Variants in MEGF11 observed in about 807,000 individuals in gnomAD.
MEGF11 encodes multiple epidermal growth factor-like domains protein 11.
MEGF11 carries 126 observed loss-of-function variants against 146.6 expected under a neutral mutation model. The observed-to-expected ratio is 0.86, with a 90% CI of 0.74 to 1.00. MEGF11 has a LOEUF of 1.00. Among genes scored for constraint, MEGF11 ranks in the 50% least tolerant of loss-of-function variants. The pLI, the probability that MEGF11 is intolerant of heterozygous loss-of-function variation, is 0.00. For missense variants in MEGF11, 1,509 were observed against 1,521.2 expected (o/e 0.99, Z 0.13); for synonymous variants, 532 against 583.4 (o/e 0.91, Z 1.27).
chr15:66,072,588 A>C (rs2085413566), intron 5 of MEGF11, among the ~76,000 whole-genome samples: 2 of 152,184 alleles, frequency 1.3e-5, no homozygotes, highest in Non-Finnish European at 2.9e-5. Flanking sequence ...AGATTTATTA[A>C]ATAAGTGACA....
At chr15:65,999,879 G>T (rs911262494) in intron 5 of MEGF11, among the ~76,000 whole-genome samples, 1 of 152,196 alleles carries the variant, frequency 6.6e-6, no homozygotes, top group Non-Finnish European at 1.5e-5. Context: ...TCATCCACTG[G>T]CTGTAAACTC....
At chr15:66,053,730 T>A (rs1170559169) in intron 5 of MEGF11, among the ~76,000 whole-genome samples, 7 of 140,266 alleles carry the variant, frequency 5.0e-5, no homozygotes, top group African/African-American at 1.9e-4. Context: ...TTTTTTTTTT[T>A]TTTTTTTTTT....
At chr15:66,068,519 G>T (rs185715424) in intron 5 of MEGF11, among the ~76,000 whole-genome samples, 27 of 152,296 alleles carry the variant, frequency 1.8e-4, no homozygotes, top group African/African-American at 6.5e-4. Context: ...TTTGAAAAAT[G>T]AGAAAGTTGA....
intron 1 of MEGF11, among the ~76,000 whole-genome samples, chr15:66,130,811 C>T (rs1011174406): frequency 2.6e-5 from 4 of 152,010 alleles, no homozygotes; most frequent in Non-Finnish European, 4.4e-5. Context: ...AAGAAGCCAT[C>T]ACCACATGGG....
chr15:66,244,353 C>T (rs2092263595), intron 1 of MEGF11, among the ~76,000 whole-genome samples: 1 of 152,154 alleles, frequency 6.6e-6, no homozygotes. Flanking sequence ...AGTAACACAT[C>T]TTATCTGTTC....
intron 1 of MEGF11, among the ~76,000 whole-genome samples, chr15:66,178,986 T>C (rs1264379599): frequency 5.3e-5 from 8 of 151,924 alleles, no homozygotes; most frequent in African/African-American, 1.9e-4. Context: ...AAAAACCCCA[T>C]AAATTCCTGT....
intron 5 of MEGF11, among the ~76,000 whole-genome samples, chr15:66,082,027 A>G (rs2085879713): frequency 6.6e-6 from 1 of 152,020 alleles, no homozygotes; most frequent in Non-Finnish European, 1.5e-5. Flanking sequence ...TTGGTCTTGG[A>G]CCTCCGAGCC....
At chr15:65,917,043 C>G in intron 16 of MEGF11, 87 bp from the exon 17 acceptor site, 1 of 1,311,430 alleles carries the variant, frequency 7.6e-7, no homozygotes, top group Admixed American at 3.2e-5. Flanking sequence ...CATGTCAGAG[C>G]CAAGATGCCA....
intron 3 of MEGF11, 64 bp from the exon 4 acceptor site, chr15:66,119,250 T>C (rs2087894331): frequency 8.6e-7 from 1 of 1,166,268 alleles, no homozygotes; most frequent in Non-Finnish European, 1.2e-6. Flanking sequence ...TTTAGAATGA[T>C]ATTTGTGTTA....
chr15:65,917,944 TTCC>T lies in MEGF11; in HGVS notation c.2086+19_2086+21del, dbSNP rs1245527677. The T allele has an allele frequency of 6.8e-6, 11 of 1,613,766 alleles. No individual in the cohort carries two copies. Among genetic ancestry groups the T allele is most frequent in the Admixed American group, 6.7e-5 (4 of 60,000 alleles). On this transcript the variant is annotated intron_variant, in intron 16 of 25. Coordinates refer to ENST00000395614, the MANE Select transcript of MEGF11 (RefSeq NM_001385028.1). ...TTGGGCCTGACCCCAGGTAGGGGCA[TTCC>T]CAGGTGGCAGCAGCTTACCCTGTGA... is the stretch of plus-strand genomic sequence containing the variant.
At position 65,955,761 on chromosome 15, in the gene MEGF11, A is replaced by AAT. The variant is rs1229131259; in HGVS notation, c.1287+1784_1287+1785dup. Among the ~76,000 whole-genome samples, 97 of 14,704 alleles carry AAT rather than the reference A, an allele frequency of 6.6e-3. 14 individuals carry two copies. The highest frequency in any genetic ancestry group is 0.027 in the African/African-American group (97 of 3,568). 9.6% of individuals were successfully genotyped at this position (14,704 alleles called of 152,430 possible). A position where few individuals can be genotyped will look rare whatever the true frequency, so the allele number is the denominator to read the frequency against. ...TCTTAAAAAAAAAAAAAAAAAAAAA[A>AAT]ATATATATATATATATATATATATA... On this transcript the variant is annotated intron_variant, in intron 10 of 25. Transcript: ENST00000395614.
intron 5 of MEGF11, among the ~76,000 whole-genome samples, chr15:66,083,554 C>T (rs2085982638): frequency 6.6e-6 from 1 of 151,594 alleles, no homozygotes; most frequent in Non-Finnish European, 1.5e-5. Flanking sequence ...AGCGTCATGA[C>T]ATTGAATTTG....
At chr15:66,074,749 T>C (rs1253645450) in intron 5 of MEGF11, among the ~76,000 whole-genome samples, 3 of 152,242 alleles carry the variant, frequency 2.0e-5, no homozygotes, top group Non-Finnish European at 4.4e-5. Context: ...CCTAACGTGG[T>C]ACTGGCAATT....
chr15:66,062,432 G>A (rs2084943236), intron 5 of MEGF11, among the ~76,000 whole-genome samples: 1 of 152,224 alleles, frequency 6.6e-6, no homozygotes, highest in African/African-American at 2.4e-5. Context: ...ACTGTGGGCA[G>A]CCTCTAGGAG....
rs913546642 is a variant in MEGF11 at position 66,119,005 on chromosome 15, G to T, written c.301+81C>A. 9.8e-6 allele frequency: 9 copies of T among 920,646 alleles called. No homozygotes were observed. The African/African-American group carries it at 1.3e-4, about 14-fold the overall frequency. 57.0% of individuals were successfully genotyped at this position (920,646 alleles called of 1,614,324 possible). A position where few individuals can be genotyped will look rare whatever the true frequency, so the allele number is the denominator to read the frequency against. On this transcript the variant is annotated intron_variant, in intron 4 of 25. Coordinates refer to ENST00000395614, the MANE Select transcript of MEGF11 (RefSeq NM_001385028.1). ...TGCTGCCTAGGGGCCGTGGATATCA[G>T]CCCCACCTCCCCTCCCCTCCCCTCC...
chr15:66,159,871 G>A (rs779732124), intron 1 of MEGF11, among the ~76,000 whole-genome samples: 44 of 152,006 alleles, frequency 2.9e-4, no homozygotes, highest in Admixed American at 1.2e-3. Context: ...AGGGTGCAGC[G>A]GTCACCACAA....
At chr15:66,212,688 C>T (rs377094148) in intron 1 of MEGF11, among the ~76,000 whole-genome samples, 12 of 131,616 alleles carry the variant, frequency 9.1e-5, no homozygotes, top group East Asian at 2.3e-4. Context: ...CATCCGCACA[C>T]GCGGCATCCC....
intron 1 of MEGF11, among the ~76,000 whole-genome samples, chr15:66,162,536 C>T (rs1043531195): frequency 2.0e-5 from 3 of 152,162 alleles, no homozygotes; most frequent in Non-Finnish European, 4.4e-5. Flanking sequence ...ATAGTGCTTA[C>T]TGTATGATTC....
intron 1 of MEGF11, among the ~76,000 whole-genome samples, chr15:66,230,784 AAG>A (rs753073980): frequency 6.4e-4 from 97 of 152,326 alleles, no homozygotes; most frequent in Non-Finnish European, 1.3e-3. Context: ...TTTCATTGTA[AAG>A]AGTTTTTAAA....
Sources: allele counts gnomAD v4.1 joint callset (sites outside exome capture counted in the v4.1 genomes callset), GRCh38; gene constraint gnomAD v4.1.1; transcripts MANE v1.5; gene names NCBI Gene and HGNC (gene_info 2026-07-23, HGNC 2026-07-21).